Variants in SNTB1 observed in about 807,000 individuals in gnomAD.
The protein encoded by SNTB1 is syntrophin beta 1.
In SNTB1, 36 loss-of-function variants were observed where a neutral mutation model predicts 48.9. The ratio of observed to expected loss-of-function variants is 0.74; its 90% CI spans 0.56 to 0.97. SNTB1 has a LOEUF of 0.97. Among genes scored for constraint, SNTB1 ranks in the 50% least tolerant of loss-of-function variants. SNTB1 has a pLI of 0.00. For missense variants in SNTB1, 786 were observed against 703.4 expected (o/e 1.12, Z -1.33); for synonymous variants, 299 against 294.6 (o/e 1.01, Z -0.15).
Position 120,637,751 on chromosome 8 carries a change from A to G in SNTB1, c.789-5100T>C, listed in dbSNP as rs557689013. ...CTGCTTCAACAGTTCACAGCATAAGATAAGACATTCTGTAATGTTTCTGCG... is the reference window on the plus strand; with the variant it reads ...CTGCTTCAACAGTTCACAGCATAAGGTAAGACATTCTGTAATGTTTCTGCG... On this transcript the variant is annotated intron_variant, in intron 2 of 6. Coordinates refer to ENST00000517992, the MANE Select transcript of SNTB1 (RefSeq NM_021021.4). 1,153 of 407,958 alleles carry G rather than the reference A, an allele frequency of 2.8e-3. 4 individuals carry two copies. The highest frequency in any genetic ancestry group is 4.1e-3 in the Non-Finnish European group (848 of 208,502). 25.3% of individuals were successfully genotyped at this position (407,958 alleles called of 1,614,324 possible).
intron 1 of SNTB1, among the ~76,000 whole-genome samples, chr8:120,759,184 T>C (rs778604470): frequency 3.9e-5 from 6 of 152,202 alleles, no homozygotes; most frequent in African/African-American, 4.8e-5. Flanking sequence ...AGTTCTCCTA[T>C]TCTCCACAGA....
At chr8:120,607,043 T>A (rs1319311779) in intron 3 of SNTB1, among the ~76,000 whole-genome samples, 1 of 152,226 alleles carries the variant, frequency 6.6e-6, no homozygotes, top group East Asian at 1.9e-4. Context: ...GAGAGGCAGT[T>A]GGAAAATTAT....
chr8:120,568,527 A>G (rs1815789315), intron 4 of SNTB1, among the ~76,000 whole-genome samples: 1 of 152,186 alleles, frequency 6.6e-6, no homozygotes, highest in South Asian at 2.1e-4. Context: ...TTTGGAGACA[A>G]TGGCATTCCA....
chr8:120,662,231 T>G (rs1169667500), intron 2 of SNTB1, among the ~76,000 whole-genome samples: 1 of 152,254 alleles, frequency 6.6e-6, no homozygotes, highest in African/African-American at 2.4e-5. Context: ...TAGACAAGTT[T>G]TAAATTGTCA....
chr8:120,550,017 A>G (rs528646452), intron 4 of SNTB1, among the ~76,000 whole-genome samples: 1 of 152,342 alleles, frequency 6.6e-6, no homozygotes, highest in African/African-American at 2.4e-5. Context: ...AAAATTGCAC[A>G]GAGGAAATAC....
At chr8:120,598,065 T>C (rs1053970286) in intron 3 of SNTB1, among the ~76,000 whole-genome samples, 1 of 152,184 alleles carries the variant, frequency 6.6e-6, no homozygotes, top group African/African-American at 2.4e-5. Flanking sequence ...CTGGCGCTTA[T>C]TCTGCTCACT....
At chr8:120,702,487 A>G (rs975615687) in intron 1 of SNTB1, among the ~76,000 whole-genome samples, 2 of 151,696 alleles carry the variant, frequency 1.3e-5, no homozygotes, top group South Asian at 4.2e-4. Context: ...TTTCTGGAAA[A>G]CTCCCTACAT....
intron 3 of SNTB1, among the ~76,000 whole-genome samples, chr8:120,577,443 C>T (rs528336643): frequency 1.3e-5 from 2 of 152,242 alleles, no homozygotes; most frequent in African/African-American, 4.8e-5. Context: ...GGCAATGTAC[C>T]AGACTCTGCA....
chr8:120,696,680 T>C (rs1476934862), intron 1 of SNTB1, among the ~76,000 whole-genome samples: 1 of 152,214 alleles, frequency 6.6e-6, no homozygotes, highest in Admixed American at 6.5e-5. Flanking sequence ...GCTATTCTTA[T>C]TGAAGTGAAC....
intron 1 of SNTB1, among the ~76,000 whole-genome samples, chr8:120,790,880 G>A (rs75805122): frequency 0.11 from 16,823 of 151,454 alleles, 1,311 homozygotes; most frequent in African/African-American, 0.22. Flanking sequence ...TAAAGAATTC[G>A]AAAAAAATCA....
chr8:120,550,560 AAAG>A (rs1815464671), intron 4 of SNTB1, among the ~76,000 whole-genome samples: 1 of 151,354 alleles, frequency 6.6e-6, no homozygotes, highest in African/African-American at 2.4e-5. Context: ...AAAAAAAAAA[AAAG>A]AGAGATATGG....
At chr8:120,795,993 C>T (rs1365290791) in intron 1 of SNTB1, among the ~76,000 whole-genome samples, 2 of 151,956 alleles carry the variant, frequency 1.3e-5, no homozygotes, top group Non-Finnish European at 2.9e-5. Context: ...GAATCTGTGC[C>T]GCCGCCTAAA....
At chr8:120,632,267 G>T (rs781473758) in intron 3 of SNTB1, among the ~76,000 whole-genome samples, 177 bp downstream of exon 3, 53 of 152,250 alleles carry the variant, frequency 3.5e-4, no homozygotes, top group Middle Eastern at 6.8e-3. Flanking sequence ...AATCAAAGTT[G>T]ATTAAGACAA....
rs1231973966 is a variant in SNTB1 at position 120,669,500 on chromosome 8, C to A, written c.788+24192G>T. On this transcript the variant is annotated intron_variant, in intron 2 of 6. Coordinates refer to ENST00000517992, the MANE Select transcript of SNTB1 (RefSeq NM_021021.4). ...TCGCTCTGTCGCCCAGGCCGGACTG[C>A]GGACTGCAGTGGCGCAATCTCGGCT... Among the ~76,000 whole-genome samples the A allele has an allele frequency of 5.9e-5, 2 of 34,118 alleles. 1 individual carries two copies. The highest frequency in any genetic ancestry group is 9.3e-5 in the Non-Finnish European group (2 of 21,544). 22.4% of individuals were successfully genotyped at this position (34,118 alleles called of 152,430 possible).
At chr8:120,721,194 C>G (rs912019592) in intron 1 of SNTB1, among the ~76,000 whole-genome samples, 4 of 152,168 alleles carry the variant, frequency 2.6e-5, no homozygotes, top group Non-Finnish European at 5.9e-5. Flanking sequence ...GTTAAGATTT[C>G]ACTTTTTAAT....
chr8:120,792,031 T>C (rs1223968434), intron 1 of SNTB1, among the ~76,000 whole-genome samples: 3 of 151,616 alleles, frequency 2.0e-5, no homozygotes, highest in South Asian at 2.1e-4. Flanking sequence ...ATTGTAAAGA[T>C]ATGGAAATGA....
chr8:120,729,687 C>T (rs1404539704), intron 1 of SNTB1, among the ~76,000 whole-genome samples: 1 of 152,212 alleles, frequency 6.6e-6, no homozygotes, highest in African/African-American at 2.4e-5. Flanking sequence ...GCTCTGCCTA[C>T]AAGAATCCAA....
chr8:120,715,112 C>T (rs970028972), intron 1 of SNTB1, among the ~76,000 whole-genome samples: 1 of 152,146 alleles, frequency 6.6e-6, no homozygotes, highest in Non-Finnish European at 1.5e-5. Flanking sequence ...TTGTAACTTC[C>T]CCTTATTTTC....
chr8:120,624,178 TC>T (rs556235695), intron 3 of SNTB1, among the ~76,000 whole-genome samples: 197 of 152,286 alleles, frequency 1.3e-3, no homozygotes, highest in Non-Finnish European at 2.3e-3. Context: ...CCTCCAGTGA[TC>T]CACCCATCTC....
Sources: gnomAD v4.1 joint callset for allele counts (sites outside exome capture counted in the v4.1 genomes callset) on GRCh38, gnomAD v4.1.1 for gene constraint, MANE v1.5 for transcripts, NCBI Gene and HGNC (gene_info 2026-07-23, HGNC 2026-07-21) for gene names.